Variants in TENM2 observed in about 807,000 individuals in gnomAD.
TENM2 encodes teneurin-2.
TENM2 carries 52 observed loss-of-function variants against 245.2 expected under a neutral mutation model. The observed-to-expected ratio is 0.21, with a 90% CI of 0.17 to 0.27. The LOEUF (loss-of-function observed/expected upper bound fraction) is 0.27, where lower values mean the gene tolerates loss of function less well. Among genes scored for constraint, TENM2 ranks in the 10% least tolerant of loss-of-function variants. The pLI is 1.00. For synonymous variants in TENM2, 1,363 were observed against 1,438.9 expected, an observed-to-expected ratio of 0.95 and a Z score of 1.19; for missense variants, 3,046 against 3,666.8, an observed-to-expected ratio of 0.83 and a Z score of 4.37.
the TENM2 span, among the ~76,000 whole-genome samples, chr5:167,053,442 T>C: frequency 6.6e-6 from 1 of 152,222 alleles, no homozygotes; most frequent in Non-Finnish European, 1.5e-5. Flanking sequence ...TGTTTGTATG[T>C]GCTAATTGAG....
At chr5:167,346,972 C>T (rs1758497659) in intron 1 of TENM2, among the ~76,000 whole-genome samples, 1 of 151,898 alleles carries the variant, frequency 6.6e-6, no homozygotes, top group African/African-American at 2.4e-5. Context: ...CAGGGTCTTG[C>T]CATGTTGCCC....
Position 168,200,782 on chromosome 5 carries a change from G to A in TENM2, c.3430+651G>A, listed in dbSNP as rs115651148. Among the ~76,000 whole-genome samples, 1,378 of 152,240 alleles carry A rather than the reference G, an allele frequency of 9.1e-3. 26 individuals are homozygous for A. The highest frequency in any genetic ancestry group is 0.03 in the African/African-American group (1,251 of 41,540). On this transcript the variant is annotated intron_variant, in intron 17 of 28. Transcript: ENST00000518659. ...ATCTTCGTAACAGAAGTGTCCTACCGTTATCAGAGTTGTGAGCTGTAGATT... is the reference window on the plus strand; with the variant it reads ...ATCTTCGTAACAGAAGTGTCCTACCATTATCAGAGTTGTGAGCTGTAGATT...
At chr5:167,657,513 C>G (rs1754925503) in intron 2 of TENM2, among the ~76,000 whole-genome samples, 1 of 152,186 alleles carries the variant, frequency 6.6e-6, no homozygotes, top group Admixed American at 6.5e-5. Context: ...AGTGGGATTG[C>G]TGGATCATAT....
chr5:167,658,507 T>A (rs1372990412), intron 2 of TENM2, among the ~76,000 whole-genome samples: 2 of 152,072 alleles, frequency 1.3e-5, no homozygotes, highest in African/African-American at 4.8e-5. Flanking sequence ...TTAATCCCAT[T>A]CATGGCAGTT....
intron 20 of TENM2, among the ~76,000 whole-genome samples, chr5:168,213,685 T>G (rs1417605145): frequency 6.6e-6 from 1 of 151,910 alleles, no homozygotes; most frequent in Non-Finnish European, 1.5e-5. Context: ...AGGTTTTTAA[T>G]TAGCCAGGCA....
intron 8 of TENM2, among the ~76,000 whole-genome samples, chr5:168,092,544 A>C (rs1793033509): frequency 6.6e-6 from 1 of 152,214 alleles, no homozygotes; most frequent in Non-Finnish European, 1.5e-5. Context: ...TCATGTCATA[A>C]ACTTTGTATA....
At chr5:167,119,867 TATG>T in the TENM2 span, among the ~76,000 whole-genome samples, 1 of 152,200 alleles carries the variant, frequency 6.6e-6, no homozygotes, top group Non-Finnish European at 1.5e-5. Flanking sequence ...GAATGTGAAA[TATG>T]ATACAAGGTA....
intron 4 of TENM2, among the ~76,000 whole-genome samples, chr5:167,987,056 C>T (rs970502156): frequency 1.3e-4 from 20 of 152,270 alleles, no homozygotes; most frequent in African/African-American, 1.9e-4. Flanking sequence ...CTGGTTTCAA[C>T]GATTGCTATC....
intron 2 of TENM2, among the ~76,000 whole-genome samples, chr5:167,481,866 G>A (rs1767778993): frequency 6.6e-6 from 1 of 152,108 alleles, no homozygotes; most frequent in Admixed American, 6.5e-5. Context: ...CAAAAACTGT[G>A]GGCATTTGTT....
At chr5:167,700,949 TAAAA>T (rs781480259) in intron 2 of TENM2, among the ~76,000 whole-genome samples, 3 of 79,892 alleles carry the variant, frequency 3.8e-5, no homozygotes, top group Admixed American at 1.7e-4. Flanking sequence ...TTATATTTCT[TAAAA>T]AAAAAAAAAA....
chr5:167,008,621 T>C, the TENM2 span, among the ~76,000 whole-genome samples: 1 of 152,176 alleles, frequency 6.6e-6, no homozygotes, highest in African/African-American at 2.4e-5. Flanking sequence ...CATTTGGCCG[T>C]TTTTCTATCA....
rs577098079 is a variant in TENM2, at chr5:167,549,683, A to G, written c.502+174210A>G. 7.5e-4 allele frequency among the ~76,000 whole-genome samples: 114 copies of G among 152,192 alleles called. 1 individual carries two copies. Among genetic ancestry groups the G allele is most frequent in the African/African-American group, 2.6e-3 (107 of 41,518 alleles). ...ACCATAGATTTAAAAAAAGAACTCT[A>G]CCTGTTACCACCATGGGGATGGAGG... is the stretch of plus-strand genomic sequence containing the variant. On this transcript the variant is annotated intron_variant, in intron 2 of 28. Coordinates refer to ENST00000518659, the Ensembl canonical transcript of TENM2.
chr5:168,036,197 C>T (rs189926380), intron 5 of TENM2, among the ~76,000 whole-genome samples: 76 of 152,232 alleles, frequency 5.0e-4, no homozygotes, highest in South Asian at 4.6e-3. Flanking sequence ...ATGACCATGT[C>T]GAATGTCACT....
chr5:167,791,497 TTTTATATATTATAATATATAA>T (rs1764969372), intron 2 of TENM2, among the ~76,000 whole-genome samples: 1 of 42,446 alleles, frequency 2.4e-5, no homozygotes, highest in African/African-American at 2.4e-4. Context: ...TAATGTATAT[TTTTATATATTATAATATATAA>T]ATATATATAA....
chr5:167,301,508 C>G (rs1205672012), intron 1 of TENM2, among the ~76,000 whole-genome samples: 6 of 152,180 alleles, frequency 3.9e-5, no homozygotes, highest in Non-Finnish European at 7.3e-5. Context: ...TGCCTCTACT[C>G]TATTATTGTA....
intron 4 of TENM2, among the ~76,000 whole-genome samples, chr5:167,962,684 A>C (rs1481400169): frequency 2.0e-5 from 3 of 151,994 alleles, no homozygotes; most frequent in African/African-American, 4.8e-5. Context: ...AAGCAAACAC[A>C]CTCTTCTTCA....
At chr5:167,373,952 G>A (rs1439014618) in intron 1 of TENM2, among the ~76,000 whole-genome samples, 1 of 152,160 alleles carries the variant, frequency 6.6e-6, no homozygotes, top group Non-Finnish European at 1.5e-5. Context: ...CTCCCTGTCA[G>A]ATCATGAGTT....
At chr5:167,373,260 T>A (rs577033821) in intron 1 of TENM2, among the ~76,000 whole-genome samples, 11 of 152,280 alleles carry the variant, frequency 7.2e-5, no homozygotes, top group Admixed American at 5.9e-4. Flanking sequence ...CAAATTAAAG[T>A]CCCACTAGGT....
At chr5:168,139,167 A>G (rs1316514546) in intron 12 of TENM2, among the ~76,000 whole-genome samples, 11 of 152,248 alleles carry the variant, frequency 7.2e-5, no homozygotes, top group Admixed American at 6.5e-4. Context: ...AAAGTAGTCA[A>G]ATATCAAACT....
Sources: gnomAD v4.1 joint callset for allele counts (sites outside exome capture counted in the v4.1 genomes callset) on GRCh38, gnomAD v4.1.1 for gene constraint, MANE v1.5 for transcripts, NCBI Gene and HGNC (gene_info 2026-07-23, HGNC 2026-07-21) for gene names.